Variants in RC3H1 observed in about 807,000 individuals in gnomAD.
RC3H1 encodes the protein ring finger and CCCH-type domains 1, also known as roquin-1.
A neutral mutation model predicts 138.2 loss-of-function variants in RC3H1; 50 were observed. That is an observed-to-expected ratio of 0.36 (90% CI 0.29 to 0.46). RC3H1 has a LOEUF of 0.46. Among genes scored for constraint, RC3H1 ranks in the 20% least tolerant of loss-of-function variants. The pLI, the probability that RC3H1 is intolerant of heterozygous loss-of-function variation, is 1.00. For missense variants in RC3H1, 1,031 were observed against 1,388.1 expected, an observed-to-expected ratio of 0.74 and a Z score of 4.09; for synonymous variants, 462 against 489.1, an observed-to-expected ratio of 0.94 and a Z score of 0.73.
At chr1:173,939,974 G>C (rs953692600) in intron 19 of RC3H1, among the ~76,000 whole-genome samples, 2 of 152,074 alleles carry the variant, frequency 1.3e-5, no homozygotes, top group African/African-American at 4.8e-5. Flanking sequence ...CCTCAAAATA[G>C]CCTTAGAAAA....
Position 173,938,881 on chromosome 1 carries a change from T to C in RC3H1, c.3252-10A>G. 6.4e-7 allele frequency: 1 copy of C among 1,570,216 alleles called. No homozygotes were observed. Among genetic ancestry groups the C allele is most frequent in the Non-Finnish European group, 8.6e-7 (1 of 1,158,408 alleles). On this transcript the variant is annotated splice_polypyrimidine_tract_variant and intron_variant, in intron 19 of 19. Transcript: ENST00000367696. ...TCCATTTGGTACATCACTGCTGACA[T>C]TTTAAAATTTTGAAAAAGGAGAGAG...
intron 19 of RC3H1, among the ~76,000 whole-genome samples, chr1:173,940,326 C>T (rs527787159): frequency 3.3e-5 from 5 of 152,186 alleles, no homozygotes; most frequent in Admixed American, 1.3e-4. Context: ...ACAAAATTAG[C>T]CAGGCATGGT....
At position 173,992,977 on chromosome 1, in the gene RC3H1, T is replaced by C. The variant is rs1661358798; in HGVS notation, c.9A>G (p.Val3=). The change falls in exon 2 of 20, where the codon GTA becomes GTG. Residue 3 remains valine, a synonymous_variant. Transcript: ENST00000367696. MP[V]QAPQWTDFLS... ...GGAAATCCGTCCATTGTGGAGCTTG[T>C]ACAGGCATTGCTTCTGGAGTTACAA... The C allele has an allele frequency of 6.2e-7, 1 of 1,611,986 alleles. No homozygotes were observed. The highest frequency in any genetic ancestry group is 8.5e-7 in the Non-Finnish European group (1 of 1,178,206).
intron 19 of RC3H1, among the ~76,000 whole-genome samples, chr1:173,940,056 T>C (rs1490079977): frequency 2.0e-5 from 3 of 152,236 alleles, no homozygotes; most frequent in Non-Finnish European, 2.9e-5. Context: ...GTAGTTGATA[T>C]GTATCTTTCC....
intron 1 of RC3H1, chr1:174,016,205 A>G (rs1357722306): frequency 6.6e-6 from 1 of 152,162 alleles, no homozygotes; most frequent in Non-Finnish European, 1.5e-5. Flanking sequence ...CGTCTCAAAA[A>G]AAAAGTTATT....
chr1:173,986,515 A>G (rs1175290505), intron 2 of RC3H1, among the ~76,000 whole-genome samples: 1 of 151,906 alleles, frequency 6.6e-6, no homozygotes, highest in Non-Finnish European at 1.5e-5. Context: ...CCTGGGCTCA[A>G]GCCATCCACC....
intron 1 of RC3H1, among the ~76,000 whole-genome samples, chr1:174,013,678 GA>G (rs1661809462): frequency 6.6e-6 from 1 of 151,908 alleles, no homozygotes; most frequent in Non-Finnish European, 1.5e-5. Context: ...CTGACCTCGT[GA>G]TCCTTGGCCT....
chr1:173,969,049 G>A (rs1033013161), intron 9 of RC3H1, among the ~76,000 whole-genome samples: 52 of 151,536 alleles, frequency 3.4e-4, no homozygotes, highest in African/African-American at 1.2e-3. Context: ...AGTAGAGACG[G>A]GGTTTCACAA....
At chr1:173,942,158 CTT>C (rs1658900413) in intron 18 of RC3H1, among the ~76,000 whole-genome samples, 2 of 151,462 alleles carry the variant, frequency 1.3e-5, no homozygotes, top group African/African-American at 2.4e-5. Flanking sequence ...AGAAGAATCA[CTT>C]GAACCCAGGA....
chr1:173,990,738 G>T (rs1661248912), intron 2 of RC3H1, among the ~76,000 whole-genome samples: 1 of 151,858 alleles, frequency 6.6e-6, no homozygotes, highest in Non-Finnish European at 1.5e-5. Context: ...AAGTAGCTGG[G>T]ACTACAGGCG....
chr1:174,011,272 A>T (rs6676307), intron 1 of RC3H1, among the ~76,000 whole-genome samples: 43,726 of 149,792 alleles, frequency 0.29, 11,277 homozygotes, highest in African/African-American at 0.7. Context: ...TAACTCAATT[A>T]AAAAAAAAAC....
At chr1:173,963,910 G>C (rs2102939467) in intron 11 of RC3H1, 63 bp downstream of exon 11, 1 of 1,350,310 alleles carries the variant, frequency 7.4e-7, no homozygotes, top group African/African-American at 1.4e-5. Context: ...TGATCACTCT[G>C]ACCTGAAGAA....
chr1:173,939,784 G>A (rs753429096), intron 19 of RC3H1, among the ~76,000 whole-genome samples: 36 of 147,110 alleles, frequency 2.4e-4, no homozygotes, highest in Non-Finnish European at 4.2e-4. Context: ...GCAGTGAGCC[G>A]AGATCATGCC....
At chr1:173,988,161 T>C (rs1661107379) in intron 2 of RC3H1, among the ~76,000 whole-genome samples, 2 of 152,206 alleles carry the variant, frequency 1.3e-5, no homozygotes, top group South Asian at 2.1e-4. Flanking sequence ...CAGAGTGTCA[T>C]ATAGCCACAA....
Position 173,964,116 on chromosome 1 carries a change from G to C in RC3H1, c.1688C>G (p.Ala563Gly). 3 of 1,614,082 alleles carry C rather than the reference G, an allele frequency of 1.9e-6. No individual in the cohort carries two copies. Among genetic ancestry groups the C allele is most frequent in the Non-Finnish European group, 2.5e-6 (3 of 1,179,974 alleles). ...GGTAACAGGCATTGGAGGCAGATCT[G>C]CTGGCCCCCTTGGAGGTATAGAATG... The part of the protein sequence containing the change: ...NPHSIPPRGP[A>G]DLPPMPVTKP... The change falls in exon 11 of 20, where the codon GCA becomes GGA. Residue 563 changes from alanine (A) to glycine (G), a missense_variant. This residue lies in a region of RC3H1 where 716 missense variants were observed against 837.9 expected (regional missense o/e 0.85). Coordinates refer to ENST00000367696, the MANE Select transcript of RC3H1 (RefSeq NM_172071.4).
At chr1:173,987,869 C>T (rs930655528) in intron 2 of RC3H1, among the ~76,000 whole-genome samples, 1 of 152,126 alleles carries the variant, frequency 6.6e-6, no homozygotes, top group Non-Finnish European at 1.5e-5. Context: ...ACATGAATCA[C>T]TCTAACCTCT....
rs748672517 is a variant in RC3H1 at position 173,934,440 on chromosome 1, G to A, written c.*4281C>T. ...TTTCATTACTTTTACATTTTATAAG[G>A]CTAGCTAACTTTAACAGTTAACTTT... On this transcript the variant is annotated 3_prime_UTR_variant, in exon 20 of 20. Coordinates refer to ENST00000367696, the MANE Select transcript of RC3H1 (RefSeq NM_172071.4). 1 of 152,086 alleles carries A rather than the reference G, an allele frequency of 6.6e-6. No homozygotes were observed. Among genetic ancestry groups the A allele is most frequent in the Non-Finnish European group, 1.5e-5 (1 of 68,004 alleles). The allele number at this position is 152,086 out of a possible 1,614,324, so 9.4% of individuals were successfully genotyped here. A position where few individuals can be genotyped will look rare whatever the true frequency, so the allele number is the denominator to read the frequency against.
At position 173,981,350 on chromosome 1, in the gene RC3H1, C is replaced by A. The variant is rs146775634; in HGVS notation, c.769-341G>T. 2.4e-4 allele frequency among the ~76,000 whole-genome samples: 36 copies of A among 152,220 alleles called. No homozygotes were observed. In the East Asian group the frequency reaches 6.4e-3, roughly 27 times the overall value. On this transcript the variant is annotated intron_variant, in intron 5 of 19. Transcript: ENST00000367696. ...TATCTGCATTAAACCACTTGAGCAT[C>A]CTTACTCTGAAAATCTGAAATGCCC...
At chr1:174,001,795 T>C (rs910914751) in intron 1 of RC3H1, among the ~76,000 whole-genome samples, 6 of 152,190 alleles carry the variant, frequency 3.9e-5, no homozygotes, top group African/African-American at 1.4e-4. Flanking sequence ...AGCAAAATGT[T>C]TTAATTTTTT....
Sources: allele counts gnomAD v4.1 joint callset (sites outside exome capture counted in the v4.1 genomes callset), GRCh38; gene constraint gnomAD v4.1.1; regional missense constraint gnomAD v4.1.1; transcripts MANE v1.5; gene names NCBI Gene and HGNC (gene_info 2026-07-23, HGNC 2026-07-21).